TAOK3: variants seen among roughly 807,000 people sequenced by gnomAD.
TAOK3 encodes TAO kinase 3.
Under a neutral mutation model 120.4 loss-of-function variants are expected in TAOK3, and 40 were observed. The observed-to-expected ratio is 0.33, with a 90% CI of 0.26 to 0.43. The LOEUF (loss-of-function observed/expected upper bound fraction) is 0.43. TAOK3 is among the 20% of genes least tolerant of loss of function. The probability of loss-of-function intolerance (pLI) is 1.00; values close to 1 mark genes in which losing one functional copy is unlikely to be tolerated. For missense variants in TAOK3, 821 were observed against 1,112.1 expected, an observed-to-expected ratio of 0.74 and a Z score of 3.72; for synonymous variants, 355 against 387.5, an observed-to-expected ratio of 0.92 and a Z score of 0.99.
intron 8 of TAOK3, among the ~76,000 whole-genome samples, chr12:118,234,211 A>AT (rs2039911543): frequency 2.0e-4 from 19 of 95,132 alleles, no homozygotes; most frequent in African/African-American, 5.4e-4. Flanking sequence ...TAAAGCAGGA[A>AT]ATTTTTTTTT....
intron 1 of TAOK3, among the ~76,000 whole-genome samples, chr12:118,343,202 C>G (rs1307145880): frequency 1.3e-5 from 2 of 151,466 alleles, no homozygotes; most frequent in Non-Finnish European, 2.9e-5. Context: ...CTGAGATGGG[C>G]AGATCACCAG....
intron 5 of TAOK3, among the ~76,000 whole-genome samples, chr12:118,243,112 G>A (rs2040327084): frequency 6.6e-6 from 1 of 151,976 alleles, no homozygotes; most frequent in African/African-American, 2.4e-5. Context: ...AAAAATTCTA[G>A]GATGAGAATA....
At chr12:118,162,736 T>A (rs1281207107) in intron 17 of TAOK3, among the ~76,000 whole-genome samples, 3 of 152,230 alleles carry the variant, frequency 2.0e-5, no homozygotes, top group Non-Finnish European at 4.4e-5. Flanking sequence ...TTTATAGATC[T>A]AATCACTCTG....
chr12:118,202,142 A>C (rs1329274846), intron 11 of TAOK3, among the ~76,000 whole-genome samples: 1 of 149,206 alleles, frequency 6.7e-6, no homozygotes, highest in Non-Finnish European at 1.5e-5. Flanking sequence ...ACTATATATA[A>C]AATAAATATT....
chr12:118,287,352 C>T (rs1015587604), intron 1 of TAOK3, among the ~76,000 whole-genome samples: 3 of 152,134 alleles, frequency 2.0e-5, no homozygotes, highest in African/African-American at 7.2e-5. Context: ...CTCCCAGGTT[C>T]AGGCAATTCT....
At chr12:118,179,653 T>G (rs2036570624) in intron 15 of TAOK3, among the ~76,000 whole-genome samples, 1 of 151,650 alleles carries the variant, frequency 6.6e-6, no homozygotes. Flanking sequence ...GTTTTTTTTT[T>G]TTTTTTTTCA....
rs2045914278 is a variant in TAOK3 at position 118,372,079 on chromosome 12, G to C, written c.-194+569C>G. 6.6e-6 allele frequency among the ~76,000 whole-genome samples: 1 copy of C among 151,542 alleles called. No homozygotes were observed. The highest frequency in any genetic ancestry group is 6.6e-5 in the Admixed American group (1 of 15,238). On this transcript the variant is annotated intron_variant, in intron 1 of 20. Transcript: ENST00000392533. The surrounding 1 kb of genome is among the most constrained non-coding windows in gnomAD (Gnocchi z 4.6). ...CACACTCTGTTCTAAGCCCTCTGGG[G>C]ATCCCCTGTCTTCACATCCCCTGAC... is the stretch of plus-strand genomic sequence containing the variant.
intron 11 of TAOK3, among the ~76,000 whole-genome samples, chr12:118,211,077 G>A (rs182288874): frequency 6.6e-5 from 10 of 152,168 alleles, no homozygotes; most frequent in Admixed American, 1.3e-4. Context: ...GTTTCACAAG[G>A]GCAGGCACTA....
At chr12:118,215,942 A>C (rs1333706468) in intron 9 of TAOK3, among the ~76,000 whole-genome samples, 1 of 150,566 alleles carries the variant, frequency 6.6e-6, no homozygotes, top group Non-Finnish European at 1.5e-5. Context: ...GCTGACACCT[A>C]TAATCCCAAC....
intron 1 of TAOK3, among the ~76,000 whole-genome samples, chr12:118,294,406 TAG>T (rs2042598154): frequency 6.6e-6 from 1 of 151,886 alleles, no homozygotes; most frequent in Admixed American, 6.6e-5. Flanking sequence ...CTTTTTTTGA[TAG>T]AGTCTCGCTC....
At chr12:118,331,645 CAAAAA>C (rs57291591) in intron 1 of TAOK3, among the ~76,000 whole-genome samples, 1 of 48,002 alleles carries the variant, frequency 2.1e-5, no homozygotes, top group African/African-American at 6.0e-5. Flanking sequence ...ACTCTTATCT[CAAAAA>C]AAAAAAAAAA....
chr12:118,272,318 A>AAAG (rs940891488), intron 1 of TAOK3, among the ~76,000 whole-genome samples: 2 of 151,366 alleles, frequency 1.3e-5, no homozygotes, highest in African/African-American at 4.8e-5. Context: ...AGAAAGAAAG[A>AAAG]AAGAAAGAAA....
chr12:118,358,175 A>C (rs530964474), intron 1 of TAOK3, among the ~76,000 whole-genome samples: 1 of 152,358 alleles, frequency 6.6e-6, no homozygotes, highest in South Asian at 2.1e-4. Context: ...CATGTCAAAA[A>C]AAAAGTATCT....
chr12:118,293,203 A>G (rs1318269591), intron 1 of TAOK3, among the ~76,000 whole-genome samples: 12 of 152,376 alleles, frequency 7.9e-5, no homozygotes, highest in Non-Finnish European at 1.2e-4. Flanking sequence ...TGGAAAATCA[A>G]TATTTAATTG....
intron 9 of TAOK3, among the ~76,000 whole-genome samples, chr12:118,219,551 T>C (rs564475858): frequency 1.3e-5 from 2 of 152,256 alleles, no homozygotes; most frequent in Non-Finnish European, 2.9e-5. Flanking sequence ...TTAGATTTTG[T>C]CATTGCAAAT....
At chr12:118,223,058 CTTTCTTTTTTTTTTTTTTTT>C (rs2039316145) in intron 9 of TAOK3, among the ~76,000 whole-genome samples, 1 of 132,238 alleles carries the variant, frequency 7.6e-6, no homozygotes, top group South Asian at 2.5e-4. Context: ...TCTTTTCTTT[CTTTCTTTTTTTTTTTTTTTT>C]TTTTTTTTTG....
At chr12:118,231,631 G>T (rs567883575) in intron 9 of TAOK3, among the ~76,000 whole-genome samples, 3 of 152,056 alleles carry the variant, frequency 2.0e-5, no homozygotes, top group South Asian at 2.1e-4. Context: ...ATTAGACAAA[G>T]AATTTTTTTA....
intron 13 of TAOK3, chr12:118,198,708 G>C: frequency 3.4e-6 from 1 of 292,864 alleles, no homozygotes; most frequent in Non-Finnish European, 6.7e-6. Context: ...TTTTGAAAGA[G>C]CATACTTCTA....
chr12:118,239,061 C>A (rs1264153622), intron 6 of TAOK3, among the ~76,000 whole-genome samples, 166 bp downstream of exon 6: 3 of 152,200 alleles, frequency 2.0e-5, no homozygotes, highest in African/African-American at 7.2e-5. Context: ...ATCACTCAGA[C>A]ACTTTCAGTG....
Sources: allele counts gnomAD v4.1 joint callset (sites outside exome capture counted in the v4.1 genomes callset), GRCh38; gene constraint gnomAD v4.1.1; non-coding constraint Gnocchi (gnomAD v3.1); transcripts MANE v1.5; gene names NCBI Gene and HGNC (gene_info 2026-07-23, HGNC 2026-07-21).